SLC26A11: variants seen among roughly 807,000 people sequenced by gnomAD.
SLC26A11 encodes the protein solute carrier family 26 member 11.
SLC26A11 carries 58 observed loss-of-function variants against 62.2 expected under a neutral mutation model. The observed-to-expected ratio is 0.93, with a 90% confidence interval of 0.76 to 1.16. SLC26A11 has a LOEUF of 1.16. Among genes scored for constraint, SLC26A11 ranks in the 50% most tolerant of loss-of-function variants. The pLI, the probability that SLC26A11 is intolerant of heterozygous loss-of-function variation, is 0.00. For synonymous variants in SLC26A11, 411 were observed against 368.9 expected, an observed-to-expected ratio of 1.11 and a Z score of -1.31; for missense variants, 790 against 794.3, an observed-to-expected ratio of 0.99 and a Z score of 0.06.
chr17:80,237,418 C>A, intron 8 of SLC26A11, 104 bp from the exon 9 acceptor site: 3 of 1,090,760 alleles, frequency 2.8e-6, no homozygotes, highest in Non-Finnish European at 2.7e-6. Context: ...CAAGCACTTG[C>A]TCCTGTTACC....
chr17:80,228,294 G>A lies in SLC26A11; in HGVS notation c.736+334G>A, dbSNP rs982416228. ...ATTACAGGCGCATGCCACCACGCTC[G>A]ACTGATTTTTGTATTTATAGTAGAG... is the stretch of plus-strand genomic sequence containing the variant. On this transcript the variant is annotated intron_variant, in intron 7 of 17. Transcript: ENST00000361193. This position sits in a 1 kb window ranked among gnomAD's most constrained non-coding sequence, Gnocchi z 4.1. Among the ~76,000 whole-genome samples, 8 of 152,022 alleles carry A rather than the reference G, an allele frequency of 5.3e-5. No individual in the cohort carries two copies. The highest frequency in any genetic ancestry group is 1.2e-4 in the Non-Finnish European group (8 of 68,026).
At chr17:80,231,971 T>C (rs1332777835) in intron 7 of SLC26A11, among the ~76,000 whole-genome samples, 1 of 152,232 alleles carries the variant, frequency 6.6e-6, no homozygotes, top group Non-Finnish European at 1.5e-5. Flanking sequence ...CAGGCTACTA[T>C]ATTCTTGCTG....
Position 80,246,136 on chromosome 17 carries a change from C to T in SLC26A11, c.1098-18C>T. The T allele has an allele frequency of 6.2e-7, 1 of 1,613,156 alleles. No homozygotes were observed. The highest frequency in any genetic ancestry group is 8.5e-7 in the Non-Finnish European group (1 of 1,179,986). ...TTCCCGGCCCCTGGTGACTGACGGT[C>T]TCTGTGTTGCCTTCCAGGACAGCCG... On this transcript the variant is annotated intron_variant, in intron 11 of 17. Coordinates refer to ENST00000361193, the MANE Select transcript of SLC26A11 (RefSeq NM_001166347.2). This position sits in a 1 kb window ranked among gnomAD's most constrained non-coding sequence, Gnocchi z 4.4.
chr17:80,247,999 CA>C (rs2043052992), intron 13 of SLC26A11, 130 bp from the exon 14 acceptor site: 2 of 1,155,082 alleles, frequency 1.7e-6, no homozygotes, highest in Non-Finnish European at 2.3e-6. Flanking sequence ...CCCAAGTCCT[CA>C]GGGGCTGCTT....
At chr17:80,224,214 AGTGAGTGT>A (rs1253984646) in intron 5 of SLC26A11, among the ~76,000 whole-genome samples, 1 of 150,400 alleles carries the variant, frequency 6.6e-6, no homozygotes, top group Non-Finnish European at 1.5e-5. Context: ...TGTGTGAATG[AGTGAGTGT>A]GTGAGAGTGT....
intron 3 of SLC26A11, 28 bp downstream of exon 3, chr17:80,221,822 A>G: frequency 6.3e-7 from 1 of 1,592,020 alleles, no homozygotes; most frequent in Non-Finnish European, 8.5e-7. Flanking sequence ...GCTGCCAGCC[A>G]TATCTCAGAA....
In SLC26A11 at chr17:80,222,557, C is replaced by T; in HGVS notation, c.235-98C>T. The T allele has an allele frequency of 7.7e-7, 1 of 1,297,834 alleles. No individual in the cohort carries two copies. Among genetic ancestry groups the T allele is most frequent in the Non-Finnish European group, 1.1e-6 (1 of 918,176 alleles). 80.4% of individuals were successfully genotyped at this position (1,297,834 alleles called of 1,614,324 possible). Reference sequence around the variant, plus strand: ...TGCACCTTTAACCTGGGCCTGGACACAGCTGACACCCACACATCCCGAGCT... The same window carrying T: ...TGCACCTTTAACCTGGGCCTGGACATAGCTGACACCCACACATCCCGAGCT... On this transcript the variant is annotated intron_variant, in intron 3 of 17. Transcript: ENST00000361193. This position sits in a 1 kb window ranked among gnomAD's most constrained non-coding sequence, Gnocchi z 4.7.
In SLC26A11 at chr17:80,220,484, C is replaced by T. The variant is rs1291021712; in HGVS notation, c.-226C>T. The T allele has an allele frequency of 2.0e-5, 11 of 563,070 alleles. No individual in the cohort carries two copies. The highest frequency in any genetic ancestry group is 2.5e-5 in the Non-Finnish European group (9 of 353,428). 34.9% of individuals were successfully genotyped at this position (563,070 alleles called of 1,614,324 possible). ...GGCGACGCCAGGAGACCCCAAGCTG[C>T]ATCGCCGAGTGGGTGAGTCCGTGGC... On this transcript the variant is annotated 5_prime_UTR_variant, in exon 1 of 18. Coordinates refer to ENST00000361193, the MANE Select transcript of SLC26A11 (RefSeq NM_001166347.2).
Position 80,222,759 on chromosome 17 carries a change from C to T in SLC26A11, c.339C>T (p.Ser113=). 6.2e-7 allele frequency: 1 copy of T among 1,613,368 alleles called. No individual in the cohort carries two copies. Among genetic ancestry groups the T allele is most frequent in the Non-Finnish European group, 8.5e-7 (1 of 1,179,596 alleles). ...GPTAIMSLLV[S]FYTFHEPAYA... is the part of the protein sequence containing the mutation. ...CCGCCATTATGTCCCTCCTGGTCTC[C>T]TTCTACACCTTCCATGAGCCCGCCT... The change falls in exon 4 of 18, where the codon TCC becomes TCT. Residue 113 remains serine (S), a synonymous_variant. Coordinates refer to ENST00000361193, the MANE Select transcript of SLC26A11 (RefSeq NM_001166347.2). The surrounding 1 kb of genome is among the most constrained non-coding windows in gnomAD (Gnocchi z 4.7).
intron 7 of SLC26A11, among the ~76,000 whole-genome samples, chr17:80,229,095 A>G (rs2042492894): frequency 6.6e-6 from 1 of 152,188 alleles, no homozygotes; most frequent in Non-Finnish European, 1.5e-5. Context: ...TTAAGCTCAG[A>G]ATAACCCGAG....
Position 80,223,929 on chromosome 17 carries a change from C to G in SLC26A11, c.513+592C>G, listed in dbSNP as rs2042294006. Among the ~76,000 whole-genome samples the G allele has an allele frequency of 6.6e-6, 1 of 152,210 alleles. No individual in the cohort carries two copies. The highest frequency in any genetic ancestry group is 2.4e-5 in the African/African-American group (1 of 41,450). ...TCGAGGGTAGGAACTGTCCTTCTCC[C>G]AGCCATGGCCGCCCAGCATTGGGCT... On this transcript the variant is annotated intron_variant, in intron 5 of 17. Coordinates refer to ENST00000361193, the MANE Select transcript of SLC26A11 (RefSeq NM_001166347.2). The surrounding 1 kb of genome is among the most constrained non-coding windows in gnomAD (Gnocchi z 4.6).
rs746905782 is a variant in SLC26A11 at position 80,228,893 on chromosome 17, G to A, written c.736+933G>A. Among the ~76,000 whole-genome samples the A allele has an allele frequency of 2.6e-5, 4 of 152,228 alleles. No individual in the cohort carries two copies. Among genetic ancestry groups the A allele is most frequent in the African/African-American group, 4.8e-5 (2 of 41,460 alleles). On this transcript the variant is annotated intron_variant, in intron 7 of 17. Transcript: ENST00000361193. This position sits in a 1 kb window ranked among gnomAD's most constrained non-coding sequence, Gnocchi z 4.1. The stretch of plus-strand genomic sequence containing the variant: ...TTGAGAAAGGGGTGGTGAGGGCTGC[G>A]TCGTGGAGGAGCAGGGCTGTCAGCA...
rs746214575 is a variant in SLC26A11 at position 80,241,724 on chromosome 17, C to T, written c.986-47C>T. 8 of 1,577,744 alleles carry T rather than the reference C, an allele frequency of 5.1e-6. No individual in the cohort carries two copies. The East Asian group carries it at 6.7e-5, about 13-fold the overall frequency. Reference sequence around the variant, plus strand: ...TTACATTTTGTGAATACTTTTTGAGCGATGTTGAATATTACTGACCAGGTC... The same window carrying T: ...TTACATTTTGTGAATACTTTTTGAGTGATGTTGAATATTACTGACCAGGTC... On this transcript the variant is annotated intron_variant, in intron 9 of 17. Coordinates refer to ENST00000361193, the MANE Select transcript of SLC26A11 (RefSeq NM_001166347.2).
rs139796854 is a variant in SLC26A11 at position 80,237,312 on chromosome 17, G to T, written c.912+209G>T. 3 of 759,946 alleles carry T rather than the reference G, an allele frequency of 3.9e-6. No individual in the cohort carries two copies. In the African/African-American group the frequency reaches 5.3e-5, roughly 13 times the overall value. 47.1% of individuals were successfully genotyped at this position (759,946 alleles called of 1,614,324 possible). A position where few individuals can be genotyped will look rare whatever the true frequency, so the allele number is the denominator to read the frequency against. On this transcript the variant is annotated intron_variant, in intron 8 of 17. Coordinates refer to ENST00000361193, the MANE Select transcript of SLC26A11 (RefSeq NM_001166347.2). ...GGATGTCACGTTTGTGTTCAGGGGC[G>T]CTTCTCCTGTTTTGGACTCCAGCTG... is the stretch of plus-strand genomic sequence containing the variant.
chr17:80,231,708 C>G (rs12943136), intron 7 of SLC26A11, among the ~76,000 whole-genome samples: 66,493 of 152,060 alleles, frequency 0.44, 14,815 homozygotes, highest in East Asian at 0.61. Flanking sequence ...CTTCTGTGAA[C>G]CATGGGAGTT....
At chr17:80,245,903 G>A (rs1279026727) in intron 11 of SLC26A11, among the ~76,000 whole-genome samples, 1 of 152,244 alleles carries the variant, frequency 6.6e-6, no homozygotes, top group Non-Finnish European at 1.5e-5. Flanking sequence ...GATGGGGGCA[G>A]GAGACAGAGT....
At chr17:80,225,678 G>C (rs2042387777) in intron 5 of SLC26A11, 159 bp from the exon 6 acceptor site, 1 of 659,014 alleles carries the variant, frequency 1.5e-6, no homozygotes, top group Non-Finnish European at 2.7e-6. Flanking sequence ...GGAGTGGGCA[G>C]GTGGACCCCT....
chr17:80,231,411 G>A (rs547672058), intron 7 of SLC26A11, among the ~76,000 whole-genome samples: 55 of 152,090 alleles, frequency 3.6e-4, no homozygotes, highest in African/African-American at 1.2e-3. Context: ...TGATCCACCC[G>A]CCTCAGCCTC....
In SLC26A11 at chr17:80,251,350, C is replaced by G. The variant is rs140695037; in HGVS notation, c.1678C>G (p.Leu560Val). ...GLQVPVLRVL[L>V]SADLKGFQYF... Reference sequence around the variant, plus strand: ...TCAGGTCCCCGTTCTCCGTGTCCTGCTGTCCGCTGACCTGAAGGGGTTCCA... The same window carrying G: ...TCAGGTCCCCGTTCTCCGTGTCCTGGTGTCCGCTGACCTGAAGGGGTTCCA... The change falls in exon 17 of 18, where the codon CTG becomes GTG. Residue 560 changes from leucine (L) to valine (V), a missense_variant. Transcript: ENST00000361193. The G allele has an allele frequency of 6.2e-7, 1 of 1,614,112 alleles. No homozygotes were observed. The highest frequency in any genetic ancestry group is 1.3e-5 in the African/African-American group (1 of 75,036).
Sources: gnomAD v4.1 joint callset for allele counts (sites outside exome capture counted in the v4.1 genomes callset) on GRCh38, gnomAD v4.1.1 for gene constraint, Gnocchi (gnomAD v3.1) non-coding constraint, MANE v1.5 for transcripts, NCBI Gene and HGNC (gene_info 2026-07-23, HGNC 2026-07-21) for gene names.